ABCA13: variants seen among roughly 807,000 people sequenced by gnomAD.
ABCA13 encodes the protein ATP-binding cassette sub-family A member 13.
In ABCA13, 476 loss-of-function variants were observed where a neutral mutation model predicts 478.7. The ratio of observed to expected loss-of-function variants is 0.99; its 90% CI spans 0.92 to 1.07. The LOEUF (loss-of-function observed/expected upper bound fraction) is 1.07, where lower values mean the gene tolerates loss of function less well. ABCA13 is among the 50% of genes least tolerant of loss of function. ABCA13 has a pLI of 0.00. For synonymous variants in ABCA13, 2,252 were observed against 2,158.9 expected (o/e 1.04, Z -1.20); for missense variants, 6,060 against 5,910.6 (o/e 1.03, Z -0.83).
At chr7:48,554,218 G>A (rs1156355363) in intron 55 of ABCA13, among the ~76,000 whole-genome samples, 2 of 151,992 alleles carry the variant, frequency 1.3e-5, no homozygotes, top group East Asian at 3.9e-4. Flanking sequence ...TGCTGTTTTG[G>A]TTACTATGGC....
At chr7:48,431,229 C>T (rs559445416) in intron 42 of ABCA13, among the ~76,000 whole-genome samples, 1 of 152,150 alleles carries the variant, frequency 6.6e-6, no homozygotes, top group African/African-American at 2.4e-5. Context: ...GATGGGATTT[C>T]ACCATGTTGG....
intron 59 of ABCA13, among the ~76,000 whole-genome samples, chr7:48,629,925 A>G (rs1382438539): frequency 6.6e-6 from 1 of 152,210 alleles, no homozygotes; most frequent in Non-Finnish European, 1.5e-5. Flanking sequence ...AGATGTAGGA[A>G]TGAGAAGAAT....
chr7:48,377,123 TGTG>T (rs1432989458), intron 35 of ABCA13, among the ~76,000 whole-genome samples: 1 of 150,628 alleles, frequency 6.6e-6, no homozygotes, highest in Non-Finnish European at 1.5e-5. Flanking sequence ...GTTTCCCAAA[TGTG>T]GTGGTGCCCT....
intron 38 of ABCA13, 64 bp downstream of exon 38, chr7:48,392,203 A>G: frequency 6.9e-7 from 1 of 1,456,770 alleles, no homozygotes; most frequent in East Asian, 2.3e-5. Flanking sequence ...AGTGAAGACA[A>G]TAGAAAGAGA....
At chr7:48,466,840 AT>A in intron 43 of ABCA13, 115 bp from the exon 44 acceptor site, 1 of 935,992 alleles carries the variant, frequency 1.1e-6, no homozygotes, top group Non-Finnish European at 1.7e-6. Context: ...ACTAGGAATC[AT>A]TAGATGGATC....
chr7:48,471,288 A>AC (rs548955804), intron 44 of ABCA13, among the ~76,000 whole-genome samples: 2 of 152,200 alleles, frequency 1.3e-5, no homozygotes, highest in Non-Finnish European at 2.9e-5. Context: ...CCTGTGATAC[A>AC]CTCAGTACAG....
At chr7:48,593,260 GTA>G (rs563371426) in intron 57 of ABCA13, among the ~76,000 whole-genome samples, 2 of 142,504 alleles carry the variant, frequency 1.4e-5, no homozygotes, top group South Asian at 2.2e-4. Context: ...GTGTGTGTGT[GTA>G]TGTGTGTGTG....
chr7:48,502,226 A>C (rs773791972), intron 48 of ABCA13, among the ~76,000 whole-genome samples: 1 of 152,200 alleles, frequency 6.6e-6, no homozygotes, highest in Non-Finnish European at 1.5e-5. Context: ...CACCAGCGAG[A>C]TGGGAGACCA....
At chr7:48,229,698 A>C in intron 6 of ABCA13, 127 bp from the exon 7 acceptor site, 1 of 1,073,946 alleles carries the variant, frequency 9.3e-7, no homozygotes, top group Non-Finnish European at 1.4e-6. Flanking sequence ...TGACATGTAA[A>C]TGGTCCAGCC....
chr7:48,295,417 C>A (rs909792375), intron 20 of ABCA13, among the ~76,000 whole-genome samples: 1 of 152,156 alleles, frequency 6.6e-6, no homozygotes, highest in Admixed American at 6.5e-5. Context: ...TTCCTAGGAA[C>A]AGAGCTTCAG....
chr7:48,273,498 A>G lies in ABCA13; in HGVS notation c.3832A>G (p.Arg1278Gly). 1 of 1,599,484 alleles carries G rather than the reference A, an allele frequency of 6.3e-7. No individual in the cohort carries two copies. The highest frequency in any genetic ancestry group is 8.5e-7 in the Non-Finnish European group (1 of 1,171,624). ...KTFPFNESTSREFLNSLLEVF... is the reference protein window; with the variant it reads ...KTFPFNESTSGEFLNSLLEVF... ...ATTTCCATTCAACGAAAGTACAAGC[A>G]GAGAGTTTTTAAATTCTCTGCTTGA... Residue 1278 changes from arginine to glycine, a missense_variant, in exon 17 of 62, where the codon AGA (arginine) becomes GGA (glycine). This residue lies in a region of ABCA13 where 4,423 missense variants were observed against 4,309.1 expected (regional missense o/e 1.03). Transcript: ENST00000435803.
At chr7:48,201,504 G>T (rs6969021) in intron 3 of ABCA13, among the ~76,000 whole-genome samples, 58,352 of 151,956 alleles carry the variant, frequency 0.38, 12,890 homozygotes, top group Non-Finnish European at 0.5. Context: ...GGTGGATCAC[G>T]AGGTCAGGAG....
chr7:48,242,283 AT>A (rs1035905409), intron 10 of ABCA13, among the ~76,000 whole-genome samples: 1 of 105,598 alleles, frequency 9.5e-6, no homozygotes, highest in Non-Finnish European at 2.0e-5. Context: ...TCCTACAGAG[AT>A]GGGGGGAAGC....
At chr7:48,289,888 G>C (rs1798269581) in intron 20 of ABCA13, among the ~76,000 whole-genome samples, 1 of 152,192 alleles carries the variant, frequency 6.6e-6, no homozygotes, top group African/African-American at 2.4e-5. Context: ...AAGCTTTTAA[G>C]ATGGGTCTGT....
chr7:48,516,095 A>G (rs1317754456), intron 51 of ABCA13, among the ~76,000 whole-genome samples: 1 of 152,146 alleles, frequency 6.6e-6, no homozygotes, highest in Non-Finnish European at 1.5e-5. Flanking sequence ...TGTAAAGTTC[A>G]TTTCTGTTCA....
intron 30 of ABCA13, among the ~76,000 whole-genome samples, chr7:48,351,077 A>G (rs1198944219): frequency 2.0e-5 from 3 of 152,214 alleles, no homozygotes; most frequent in East Asian, 1.9e-4. Flanking sequence ...GACCAATGCT[A>G]TTTACTGCAT....
intron 31 of ABCA13, among the ~76,000 whole-genome samples, chr7:48,354,839 A>G (rs879613812): frequency 7.2e-5 from 11 of 152,030 alleles, no homozygotes; most frequent in Non-Finnish European, 1.6e-4. Context: ...TCTCGAAAGA[A>G]CTCAGTCACT....
At position 48,284,353 on chromosome 7, in the gene ABCA13, T is replaced by C. The variant is rs149614058; in HGVS notation, c.8836+2901T>C. Among the ~76,000 whole-genome samples, 175 of 152,322 alleles carry C rather than the reference T, an allele frequency of 1.1e-3. 2 individuals carry two copies. In the East Asian group the frequency reaches 0.032, roughly 28 times the overall value. On this transcript the variant is annotated intron_variant, in intron 19 of 61. Coordinates refer to ENST00000435803, the MANE Select transcript of ABCA13 (RefSeq NM_152701.5). ...TTTTTTCTTTTAAGATAATCTGTAT[T>C]TCCAATTAGATGTTATGAACATTGG...
chr7:48,224,495 C>A (rs140551749), intron 5 of ABCA13, among the ~76,000 whole-genome samples: 1 of 152,318 alleles, frequency 6.6e-6, no homozygotes, highest in Non-Finnish European at 1.5e-5. Flanking sequence ...ACTTTTCCCT[C>A]TTTCCCTCTT....
Sources: allele counts gnomAD v4.1 joint callset (sites outside exome capture counted in the v4.1 genomes callset), GRCh38; gene constraint gnomAD v4.1.1; regional missense constraint gnomAD v4.1.1; transcripts MANE v1.5; gene names NCBI Gene and HGNC (gene_info 2026-07-23, HGNC 2026-07-21).